The following CRMP1 variants were observed in gnomAD, a reference collection of about 807,000 sequenced individuals.
CRMP1 encodes dihydropyrimidinase-related protein 1.
A neutral mutation model predicts 68.3 loss-of-function variants in CRMP1; 19 were observed. The ratio of observed to expected loss-of-function variants is 0.28; its 90% CI spans 0.19 to 0.41. The LOEUF is 0.41. Among genes scored for constraint, CRMP1 ranks in the 10% least tolerant of loss-of-function variants. The pLI, the probability that CRMP1 is intolerant of heterozygous loss-of-function variation, is 1.00. For synonymous variants in CRMP1, 439 were observed against 399.6 expected (o/e 1.10, Z -1.18); for missense variants, 791 against 967.4 (o/e 0.82, Z 2.42).
chr4:5,820,917 T>C lies in CRMP1; in HGVS notation c.*843A>G, dbSNP rs1466651707. 6.6e-6 allele frequency: 1 copy of C among 152,228 alleles called. No individual in the cohort carries two copies. The highest frequency in any genetic ancestry group is 1.5e-5 in the Non-Finnish European group (1 of 68,044). The allele number at this position is 152,228 out of a possible 1,614,324, so 9.4% of individuals were successfully genotyped here. ...TTGTACAAAACTTTAAAAATCTGAC[T>C]GCCCCGTCAACTGCCTCAGAGGGAC... On this transcript the variant is annotated 3_prime_UTR_variant, in exon 14 of 14. Transcript: ENST00000324989.
rs1712575674 is a variant in CRMP1, at chr4:5,850,959, C to A, written c.882+449G>T. Among the ~76,000 whole-genome samples, 1 of 152,184 alleles carries A rather than the reference C, an allele frequency of 6.6e-6. No homozygotes were observed. The highest frequency in any genetic ancestry group is 6.5e-5 in the Admixed American group (1 of 15,282). On this transcript the variant is annotated intron_variant, in intron 5 of 13. Transcript: ENST00000324989. This position sits in a 1 kb window ranked among gnomAD's most constrained non-coding sequence, Gnocchi z 4.4. ...CTTACAAATGTGAGGAGATGACTTG[C>A]CCAGCATGTTGCAGTTGCTGTGAGG... is the stretch of plus-strand genomic sequence containing the variant.
chr4:5,867,863 T>C (rs755919024), intron 1 of CRMP1, among the ~76,000 whole-genome samples: 1 of 152,100 alleles, frequency 6.6e-6, no homozygotes, highest in Non-Finnish European at 1.5e-5. Flanking sequence ...TGTATGACTA[T>C]AGATAGATAA....
chr4:5,886,301 G>A (rs979570481), intron 1 of CRMP1, among the ~76,000 whole-genome samples: 4 of 152,226 alleles, frequency 2.6e-5, no homozygotes, highest in African/African-American at 9.6e-5. Flanking sequence ...TTCACAGGAA[G>A]AACTAAAGCA....
chr4:5,823,129 G>T (rs1353013532), intron 13 of CRMP1, among the ~76,000 whole-genome samples: 2 of 152,136 alleles, frequency 1.3e-5, no homozygotes, highest in Non-Finnish European at 2.9e-5. Flanking sequence ...ATCATGCCTT[G>T]AATTTGGGCA....
intron 13 of CRMP1, chr4:5,824,249 T>G: frequency 3.1e-6 from 3 of 976,262 alleles, no homozygotes; most frequent in Non-Finnish European, 2.4e-6. Context: ...TTTCCCAGGA[T>G]GAAGCCAATC....
chr4:5,849,631 C>CA (rs1712475203), intron 5 of CRMP1, among the ~76,000 whole-genome samples, 159 bp from the exon 6 acceptor site: 1 of 152,202 alleles, frequency 6.6e-6, no homozygotes. Context: ...CTACACAAGT[C>CA]AGACTTGGAA....
At position 5,892,446 on chromosome 4, in the gene CRMP1, G is replaced by T; in HGVS notation, c.381+143C>A. The T allele has an allele frequency of 1.2e-6, 1 of 842,130 alleles. No homozygotes were observed. Among genetic ancestry groups the T allele is most frequent in the Non-Finnish European group, 1.5e-6 (1 of 660,624 alleles). The allele number at this position is 842,130 out of a possible 1,614,324, so 52.2% of individuals were successfully genotyped here. On this transcript the variant is annotated intron_variant, in intron 1 of 13. Transcript: ENST00000324989. The surrounding 1 kb of genome is among the most constrained non-coding windows in gnomAD (Gnocchi z 8.6). ...GGGAACCTCTTGCATGATGAGGTGG[G>T]GGAGGGGCCGCGCCGTGGCTCTCCC...
chr4:5,863,953 G>A (rs528642976), intron 2 of CRMP1, among the ~76,000 whole-genome samples: 151 of 152,280 alleles, frequency 9.9e-4, no homozygotes, highest in African/African-American at 3.2e-3. Flanking sequence ...TCACAAGTCC[G>A]GAGTAGGACT....
At chr4:5,887,597 C>T (rs1381162822) in intron 1 of CRMP1, 11 of 984,924 alleles carry the variant, frequency 1.1e-5, no homozygotes, top group Admixed American at 6.1e-5. Flanking sequence ...CACCCTCTCG[C>T]GGCCCAGCGT....
Position 5,891,164 on chromosome 4 carries a change from C to CCACA in CRMP1, c.381+1421_381+1424dup, listed in dbSNP as rs1239944357. Among the ~76,000 whole-genome samples the CCACA allele has an allele frequency of 1.9e-4, 12 of 63,388 alleles. No individual in the cohort carries two copies. Among genetic ancestry groups the CCACA allele is most frequent in the East Asian group, 1.9e-3 (3 of 1,596 alleles). The allele number at this position is 63,388 out of a possible 152,430, so 41.6% of individuals were successfully genotyped here. ...ATCTCCCTTTCTGATCACCCCACCA[C>CCACA]CACACACACATACACACACACACAC... On this transcript the variant is annotated intron_variant, in intron 1 of 13. Transcript: ENST00000324989. The surrounding 1 kb of genome is among the most constrained non-coding windows in gnomAD (Gnocchi z 5.2).
Position 5,877,910 on chromosome 4 carries a change from A to C in CRMP1, c.382-11154T>G, listed in dbSNP as rs1476446619. Among the ~76,000 whole-genome samples the C allele has an allele frequency of 6.6e-6, 1 of 152,226 alleles. No individual in the cohort carries two copies. Among genetic ancestry groups the C allele is most frequent in the Non-Finnish European group, 1.5e-5 (1 of 68,040 alleles). ...AGTGGGCAGGGCCTGCACGCTGCAT[A>C]GGGAAAGACGATGCTAGCTGCATGT... On this transcript the variant is annotated intron_variant, in intron 1 of 13. Coordinates refer to ENST00000324989, the MANE Select transcript of CRMP1 (RefSeq NM_001014809.3). This position sits in a 1 kb window ranked among gnomAD's most constrained non-coding sequence, Gnocchi z 4.3.
At chr4:5,835,530 G>A (rs773586700) in intron 11 of CRMP1, among the ~76,000 whole-genome samples, 2 of 152,310 alleles carry the variant, frequency 1.3e-5, no homozygotes, top group South Asian at 2.1e-4. Flanking sequence ...GGAGGTTTCC[G>A]ACATACCAAA....
chr4:5,860,902 G>T lies in CRMP1; in HGVS notation c.655+124C>A. On this transcript the variant is annotated intron_variant, in intron 3 of 13. Coordinates refer to ENST00000324989, the MANE Select transcript of CRMP1 (RefSeq NM_001014809.3). The surrounding 1 kb of genome is among the most constrained non-coding windows in gnomAD (Gnocchi z 4.2). ...CAGTGACCTGTGTCATAGGGCTGGG[G>T]GGAGAATGAAATCCAATGGCACCCT... 1.1e-6 allele frequency: 1 copy of T among 945,108 alleles called. No homozygotes were observed. The highest frequency in any genetic ancestry group is 1.7e-5 in the South Asian group (1 of 59,156). The allele number at this position is 945,108 out of a possible 1,614,324, so 58.5% of individuals were successfully genotyped here. A position where few individuals can be genotyped will look rare whatever the true frequency, so the allele number is the denominator to read the frequency against.
intron 1 of CRMP1, among the ~76,000 whole-genome samples, chr4:5,873,292 C>G (rs1266813774): frequency 6.6e-6 from 1 of 152,158 alleles, no homozygotes; most frequent in African/African-American, 2.4e-5. Flanking sequence ...ATTAGCCACA[C>G]AGCAAAGGCG....
rs1715387273 is a variant in CRMP1, at chr4:5,883,847, A to G, written c.381+8742T>C. 6.6e-6 allele frequency among the ~76,000 whole-genome samples: 1 copy of G among 152,254 alleles called. No individual in the cohort carries two copies. Among genetic ancestry groups the G allele is most frequent in the Non-Finnish European group, 1.5e-5 (1 of 68,052 alleles). ...GTGCTCCATGTATTCAGTCTTGGCCATGTTTATTAGAAGAAATGGGCATTC... is the reference window on the plus strand; with the variant it reads ...GTGCTCCATGTATTCAGTCTTGGCCGTGTTTATTAGAAGAAATGGGCATTC... On this transcript the variant is annotated intron_variant, in intron 1 of 13. Transcript: ENST00000324989. This position sits in a 1 kb window ranked among gnomAD's most constrained non-coding sequence, Gnocchi z 4.5.
rs1016942242 is a variant in CRMP1, at chr4:5,838,494, G to C, written c.1310+1028C>G. On this transcript the variant is annotated intron_variant, in intron 9 of 13. Coordinates refer to ENST00000324989, the MANE Select transcript of CRMP1 (RefSeq NM_001014809.3). The surrounding 1 kb of genome is among the most constrained non-coding windows in gnomAD (Gnocchi z 4.9). ...TAGAAAGTCTTGGTCGGAAGCCAGG[G>C]ATGATGGTGGCCTGAGCCAGGATGG... Among the ~76,000 whole-genome samples, 3 of 152,176 alleles carry C rather than the reference G, an allele frequency of 2.0e-5. No individual in the cohort carries two copies. The highest frequency in any genetic ancestry group is 7.2e-5 in the African/African-American group (3 of 41,430).
chr4:5,874,500 T>C (rs183327197), intron 1 of CRMP1, among the ~76,000 whole-genome samples: 6 of 152,270 alleles, frequency 3.9e-5, no homozygotes, highest in Admixed American at 2.0e-4. Flanking sequence ...CCATCTCTCA[T>C]TGAGCTGGAT....
chr4:5,852,612 C>G lies in CRMP1; in HGVS notation c.821-1143G>C, dbSNP rs114820210. Among the ~76,000 whole-genome samples the G allele has an allele frequency of 5.2e-3, 789 of 152,348 alleles. 6 individuals carry two copies. Among genetic ancestry groups the G allele is most frequent in the African/African-American group, 0.018 (756 of 41,580 alleles). ...GAGATACAGAAGTTACTAAAGGCAT[C>G]TTTCATGAAATCAATCAGCTGGTCC... On this transcript the variant is annotated intron_variant, in intron 4 of 13. Transcript: ENST00000324989.
intron 12 of CRMP1, among the ~76,000 whole-genome samples, chr4:5,827,060 T>G (rs1165030072): frequency 6.6e-6 from 1 of 152,142 alleles, no homozygotes; most frequent in Non-Finnish European, 1.5e-5. Context: ...CTGATGCAGG[T>G]CTCTCCTTCA....
Sources: gnomAD v4.1 joint callset for allele counts (sites outside exome capture counted in the v4.1 genomes callset) on GRCh38, gnomAD v4.1.1 for gene constraint, Gnocchi (gnomAD v3.1) non-coding constraint, MANE v1.5 for transcripts, NCBI Gene and HGNC (gene_info 2026-07-23, HGNC 2026-07-21) for gene names.